Variants in TBL1X observed in about 807,000 individuals in gnomAD.
TBL1X encodes F-box-like/WD repeat-containing protein TBL1X.
TBL1X carries 10 observed loss-of-function variants against 50.7 expected under a neutral mutation model. The observed-to-expected ratio is 0.20, with a 90% confidence interval of 0.12 to 0.33. The LOEUF (loss-of-function observed/expected upper bound fraction) is 0.33. Among genes scored for constraint, TBL1X ranks in the 10% least tolerant of loss-of-function variants. TBL1X has a pLI of 1.00. For synonymous variants in TBL1X, 190 were observed against 214.7 expected (o/e 0.88, Z 1.01); for missense variants, 340 against 504.4 (o/e 0.67, Z 3.12).
chrX:9,522,078 C>T (rs1367141207), intron 2 of TBL1X, among the ~76,000 whole-genome samples: 4 of 100,649 alleles, frequency 4.0e-5, no homozygotes, highest in Non-Finnish European at 5.9e-5. Context: ...AGTGCAGGGT[C>T]GCGATCACTG....
At chrX:9,525,275 C>T (rs2082126497) in intron 2 of TBL1X, among the ~76,000 whole-genome samples, 1 of 111,857 alleles carries the variant, frequency 8.9e-6, no homozygotes, top group African/African-American at 3.3e-5. Context: ...TCCAAATTCC[C>T]ATTAGACTTG....
rs755352161 is a variant in TBL1X, at chrX:9,531,354, G to GGGGT, written c.-131+29506_-131+29507insGGTG. ...ACTTTTTTGAACTAAGAACCTGGAG[G>GGGGT]GTGTGTGTGTGTGTGTGTGTGTGTG... On this transcript the variant is annotated intron_variant, in intron 2 of 17. Coordinates refer to ENST00000645353, the MANE Select transcript of TBL1X (RefSeq NM_005647.4). 4.3e-3 allele frequency among the ~76,000 whole-genome samples: 320 copies of GGGGT among 75,219 alleles called. 2 individuals are homozygous for GGGGT. The highest frequency in any genetic ancestry group is 4.6e-3 in the Non-Finnish European group (177 of 38,837). The allele number at this position is 75,219 out of a possible 115,157, so 65.3% of individuals were successfully genotyped here.
At chrX:9,486,246 T>A (rs1268118980) in intron 1 of TBL1X, among the ~76,000 whole-genome samples, 1 of 109,204 alleles carries the variant, frequency 9.2e-6, no homozygotes, top group East Asian at 2.9e-4. Context: ...TAGCTTTTTT[T>A]TTTTTATTAT....
intron 2 of TBL1X, among the ~76,000 whole-genome samples, chrX:9,544,512 C>T (rs2082231625): frequency 1.8e-5 from 2 of 110,728 alleles, no homozygotes; most frequent in Non-Finnish European, 3.8e-5. Context: ...CGACAGTGAA[C>T]ATTCATTTCA....
At position 9,610,000 on chromosome X, in the gene TBL1X, G is replaced by A. The variant is rs935420482; in HGVS notation, c.-130-30273G>A. 7.1e-5 allele frequency among the ~76,000 whole-genome samples: 8 copies of A among 112,673 alleles called. No homozygotes were observed. In the East Asian group the frequency reaches 2.2e-3, roughly 31 times the overall value. On this transcript the variant is annotated intron_variant, in intron 2 of 17. Coordinates refer to ENST00000645353, the MANE Select transcript of TBL1X (RefSeq NM_005647.4). Reference sequence around the variant, plus strand: ...CAGTGTTGGAGTTTCAGCTGAAGGGGCCATGTCTGATGTTTGCTGGTCCAT... The same window carrying A: ...CAGTGTTGGAGTTTCAGCTGAAGGGACCATGTCTGATGTTTGCTGGTCCAT...
At chrX:9,698,259 T>C (rs780445605) in intron 12 of TBL1X, among the ~76,000 whole-genome samples, 21 of 111,204 alleles carry the variant, frequency 1.9e-4, no homozygotes, top group Non-Finnish European at 3.6e-4. Flanking sequence ...ACAGAAGCAG[T>C]GCGGGCTCCT....
chrX:9,529,788 A>AG (rs2146971691), intron 2 of TBL1X, among the ~76,000 whole-genome samples: 1 of 109,094 alleles, frequency 9.2e-6, no homozygotes, highest in East Asian at 2.9e-4. Flanking sequence ...ACCAAAAAAA[A>AG]AAAAAAAAAA....
At chrX:9,575,977 A>G (rs747868350) in intron 2 of TBL1X, among the ~76,000 whole-genome samples, 52 of 112,173 alleles carry the variant, frequency 4.6e-4, no homozygotes, top group Non-Finnish European at 8.3e-4. Context: ...AAAAACATTA[A>G]TATCAGTGAG....
At chrX:9,512,006 A>G (rs1368054295) in intron 2 of TBL1X, among the ~76,000 whole-genome samples, 2 of 111,429 alleles carry the variant, frequency 1.8e-5, no homozygotes, top group Non-Finnish European at 3.8e-5. Flanking sequence ...GATTACAGAC[A>G]CATGCCACCA....
chrX:9,674,742 C>T (rs1454217148), intron 5 of TBL1X, among the ~76,000 whole-genome samples: 2 of 89,359 alleles, frequency 2.2e-5, no homozygotes, highest in Admixed American at 3.0e-4. Context: ...CCACACTCAA[C>T]TAATTATTTT....
intron 2 of TBL1X, among the ~76,000 whole-genome samples, chrX:9,508,426 G>T (rs1312088478): frequency 1.8e-5 from 2 of 112,028 alleles, no homozygotes; most frequent in African/African-American, 3.2e-5. Flanking sequence ...TTATTGAAAG[G>T]TCAGAAAACA....
At chrX:9,707,319 C>T (rs1337707912) in intron 13 of TBL1X, among the ~76,000 whole-genome samples, 1 of 112,065 alleles carries the variant, frequency 8.9e-6, no homozygotes, top group Non-Finnish European at 1.9e-5. Flanking sequence ...CTGTTTGGCT[C>T]CAAACTGACT....
rs757787841 is a variant in TBL1X at position 9,501,786 on chromosome X, G to C, written c.-194G>C. The C allele has an allele frequency of 9.0e-6, 1 of 111,240 alleles. No homozygotes were observed. The highest frequency in any genetic ancestry group is 1.9e-5 in the Non-Finnish European group (1 of 52,979). 9.2% of individuals were successfully genotyped at this position (111,240 alleles called of 1,213,427 possible). A position where few individuals can be genotyped will look rare whatever the true frequency, so the allele number is the denominator to read the frequency against. On this transcript the variant is annotated 5_prime_UTR_variant, in exon 2 of 18. Transcript: ENST00000645353. ...ATTTTACTGTTTCTTCCAGATTTCC[G>C]TGAGGGTGGAAGAAAATCATACCAT...
intron 2 of TBL1X, among the ~76,000 whole-genome samples, chrX:9,532,145 G>A (rs963728930): frequency 1.8e-5 from 2 of 111,683 alleles, no homozygotes; most frequent in African/African-American, 6.5e-5. Context: ...CTGCGCACAT[G>A]CTTCTGGAGC....
chrX:9,593,405 AAATAATAAT>A (rs201782729), intron 2 of TBL1X, among the ~76,000 whole-genome samples: 2 of 102,165 alleles, frequency 2.0e-5, no homozygotes, highest in African/African-American at 3.8e-5. Flanking sequence ...TCCATCTTAA[AAATAATAAT>A]AATAATAATA....
intron 1 of TBL1X, among the ~76,000 whole-genome samples, chrX:9,491,333 TATA>T (rs1332747112): frequency 1.1e-3 from 31 of 28,382 alleles, no homozygotes; most frequent in African/African-American, 4.4e-3. Context: ...TATATATATA[TATA>T]TATTTTTTTT....
In TBL1X at chrX:9,557,517, C is replaced by T. The variant is rs1334538094; in HGVS notation, c.-131+55668C>T. Among the ~76,000 whole-genome samples, 10 of 110,746 alleles carry T rather than the reference C, an allele frequency of 9.0e-5. No homozygotes were observed. In the East Asian group the frequency reaches 2.3e-3, roughly 25 times the overall value. On this transcript the variant is annotated intron_variant, in intron 2 of 17. Transcript: ENST00000645353. ...GACTGGCGTCTGATTGATGGAATACCAGGAGAGGGATGGGAGAGGGAAAGA... is the reference window on the plus strand; with the variant it reads ...GACTGGCGTCTGATTGATGGAATACTAGGAGAGGGATGGGAGAGGGAAAGA...
chrX:9,665,823 C>T (rs921967639), intron 5 of TBL1X, among the ~76,000 whole-genome samples: 5 of 108,470 alleles, frequency 4.6e-5, no homozygotes, highest in South Asian at 4.1e-4. Flanking sequence ...TCCGTGTTAC[C>T]TGATGTATTT....
intron 1 of TBL1X, among the ~76,000 whole-genome samples, chrX:9,484,317 T>TAC (rs746013426): frequency 0.01 from 1,140 of 108,812 alleles, 8 homozygotes; most frequent in Middle Eastern, 0.019. Context: ...CGTTTTTTCA[T>TAC]ACACACACAC....
Sources: gnomAD v4.1 joint callset for allele counts (sites outside exome capture counted in the v4.1 genomes callset) on GRCh38, gnomAD v4.1.1 for gene constraint, MANE v1.5 for transcripts, NCBI Gene and HGNC (gene_info 2026-07-23, HGNC 2026-07-21) for gene names.